NGEF: variants seen among roughly 807,000 people sequenced by gnomAD.
NGEF encodes ephexin-1.
A neutral mutation model predicts 80.9 loss-of-function variants in NGEF; 31 were observed. The observed-to-expected ratio is 0.38, with a 90% CI of 0.29 to 0.52. The LOEUF (loss-of-function observed/expected upper bound fraction) is 0.52. Ranked by LOEUF, NGEF falls within the 20% of genes least tolerant of loss-of-function variation. The probability of loss-of-function intolerance (pLI) is 0.84; values close to 1 mark genes in which losing one functional copy is unlikely to be tolerated. For missense variants in NGEF, 709 were observed against 926.2 expected, an observed-to-expected ratio of 0.77 and a Z score of 3.04; for synonymous variants, 371 against 370.2, an observed-to-expected ratio of 1.00 and a Z score of -0.03.
At chr2:232,938,364 G>A (rs1326740742) in intron 3 of NGEF, among the ~76,000 whole-genome samples, 1 of 152,122 alleles carries the variant, frequency 6.6e-6, no homozygotes, top group East Asian at 1.9e-4. Flanking sequence ...TCATGGAAAC[G>A]AATTGCCTAA....
At chr2:232,920,262 C>T (rs748355557) in intron 5 of NGEF, 22 bp downstream of exon 5, 1 of 1,599,082 alleles carries the variant, frequency 6.3e-7, no homozygotes, top group Admixed American at 1.7e-5. Context: ...TGGGGGAGCC[C>T]CCGCCCCTCG....
intron 3 of NGEF, chr2:232,927,940 G>T: frequency 7.4e-7 from 1 of 1,347,416 alleles, no homozygotes; most frequent in Non-Finnish European, 9.5e-7. Flanking sequence ...CGCTTTCCGA[G>T]GTGGAACTGT....
rs141900251 is a variant in NGEF, at chr2:232,924,857, T to G, written c.526+2187A>C. On this transcript the variant is annotated intron_variant, in intron 4 of 14. Coordinates refer to ENST00000264051, the MANE Select transcript of NGEF (RefSeq NM_019850.3). ...AACTTCATACTTTTTTCTGGGGTATTTAGAATACAAATTTAGACACCAGTG... is the reference window on the plus strand; with the variant it reads ...AACTTCATACTTTTTTCTGGGGTATGTAGAATACAAATTTAGACACCAGTG... Among the ~76,000 whole-genome samples, 799 of 152,328 alleles carry G rather than the reference T, an allele frequency of 5.2e-3. 6 individuals carry two copies. Among genetic ancestry groups the G allele is most frequent in the African/African-American group, 0.018 (743 of 41,568 alleles).
Position 232,970,196 on chromosome 2 carries a change from T to G in NGEF, c.383+18A>C. On this transcript the variant is annotated intron_variant, in intron 3 of 14. Coordinates refer to ENST00000264051, the MANE Select transcript of NGEF (RefSeq NM_019850.3). ...ATCTTTCCCAGACCAGCATTCCTCA[T>G]GATCTGCCATCTCTTACCTCATTTC... 12 of 1,452,864 alleles carry G rather than the reference T, an allele frequency of 8.3e-6. No homozygotes were observed. Among genetic ancestry groups the G allele is most frequent in the Non-Finnish European group, 1.1e-5 (12 of 1,065,418 alleles). 90.0% of individuals were successfully genotyped at this position (1,452,864 alleles called of 1,614,324 possible).
intron 3 of NGEF, among the ~76,000 whole-genome samples, chr2:232,940,224 T>C (rs143411016): frequency 1.8e-4 from 27 of 152,364 alleles, no homozygotes; most frequent in Non-Finnish European, 2.5e-4. Context: ...AAACTGGTGA[T>C]AGCACCGTAC....
chr2:233,006,687 A>G (rs1410240415), intron 1 of NGEF, among the ~76,000 whole-genome samples: 1 of 152,146 alleles, frequency 6.6e-6, no homozygotes, highest in Non-Finnish European at 1.5e-5. Context: ...AATAGCTAAA[A>G]TTTTGCAAGG....
At chr2:232,965,017 T>A (rs560233726) in intron 3 of NGEF, among the ~76,000 whole-genome samples, 14 of 152,372 alleles carry the variant, frequency 9.2e-5, no homozygotes, top group African/African-American at 3.4e-4. Context: ...ATCTGAACAT[T>A]TTATTGTAAT....
chr2:232,964,152 A>T (rs1198355007), intron 3 of NGEF, among the ~76,000 whole-genome samples: 1 of 152,234 alleles, frequency 6.6e-6, no homozygotes, highest in Non-Finnish European at 1.5e-5. Context: ...AGTGTAAAAC[A>T]GTACAACCAT....
intron 3 of NGEF, among the ~76,000 whole-genome samples, chr2:232,948,147 A>ATGTGTGTGTGTGTGTGTGTGTGTG (rs375640068): frequency 7.1e-6 from 1 of 141,570 alleles, no homozygotes; most frequent in African/African-American, 2.6e-5. Context: ...TAGCCTGGAG[A>ATGTGTGTGTGTGTGTGTGTGTGTG]TGTGTGTGTG....
chr2:232,993,271 T>G (rs1694712089), intron 1 of NGEF, among the ~76,000 whole-genome samples: 1 of 88,120 alleles, frequency 1.1e-5, no homozygotes, highest in South Asian at 5.5e-4. Flanking sequence ...ATATATGAAT[T>G]GGCATGTCTC....
chr2:232,952,792 A>AC (rs1412847626), intron 3 of NGEF, among the ~76,000 whole-genome samples: 8 of 150,902 alleles, frequency 5.3e-5, no homozygotes, highest in Non-Finnish European at 8.9e-5. Flanking sequence ...ATATGGTGAG[A>AC]CCCCATCTCT....
intron 1 of NGEF, 188 bp downstream of exon 1, chr2:233,012,880 G>A (rs1198453296): frequency 2.1e-6 from 1 of 471,142 alleles, no homozygotes; most frequent in Non-Finnish European, 4.4e-6. Context: ...AGGAGGGGCA[G>A]TGCTGAAGCC....
rs776761944 is a variant in NGEF at position 232,927,031 on chromosome 2, C to T, written c.526+13G>A. 6.2e-7 allele frequency: 1 copy of T among 1,613,966 alleles called. No individual in the cohort carries two copies. Among genetic ancestry groups the T allele is most frequent in the Admixed American group, 1.7e-5 (1 of 60,026 alleles). On this transcript the variant is annotated intron_variant, in intron 4 of 14. Coordinates refer to ENST00000264051, the MANE Select transcript of NGEF (RefSeq NM_019850.3). ...TTTCCCAAATAAAACCCGGTTACTG[C>T]GGAGACACCCACCTATTTGTTCAAT...
chr2:232,960,829 G>C (rs1210955317), intron 3 of NGEF, among the ~76,000 whole-genome samples: 1 of 152,196 alleles, frequency 6.6e-6, no homozygotes, highest in East Asian at 1.9e-4. Flanking sequence ...AGTGAGCCAA[G>C]ATCGCGCCAC....
At chr2:232,885,794 C>T (rs1691658694) in intron 9 of NGEF, among the ~76,000 whole-genome samples, 1 of 152,186 alleles carries the variant, frequency 6.6e-6, no homozygotes, top group Non-Finnish European at 1.5e-5. Flanking sequence ...GACAATTCTG[C>T]AGTGACACAT....
chr2:232,899,002 GTGTA>G (rs1373077615), intron 5 of NGEF, among the ~76,000 whole-genome samples: 12 of 152,198 alleles, frequency 7.9e-5, no homozygotes, highest in Admixed American at 4.6e-4. Context: ...GTGTGAATGG[GTGTA>G]TGTGTGTTAA....
intron 2 of NGEF, among the ~76,000 whole-genome samples, chr2:232,973,050 C>T (rs1479104962): frequency 6.6e-6 from 1 of 152,122 alleles, no homozygotes; most frequent in Admixed American, 6.6e-5. Context: ...AGCCACTGCA[C>T]CCGGCCGTCC....
intron 3 of NGEF, among the ~76,000 whole-genome samples, chr2:232,938,648 C>T (rs905726161): frequency 6.7e-6 from 1 of 150,050 alleles, no homozygotes; most frequent in Non-Finnish European, 1.5e-5. Context: ...AATCCCAGCA[C>T]CTTGGGAGGC....
At chr2:232,989,261 A>T (rs12994953) in intron 1 of NGEF, among the ~76,000 whole-genome samples, 39,991 of 151,894 alleles carry the variant, frequency 0.26, 6,380 homozygotes, top group East Asian at 0.63. Flanking sequence ...CAACCTGGCC[A>T]ACATGGTGAA....
Sources: allele counts gnomAD v4.1 joint callset (sites outside exome capture counted in the v4.1 genomes callset), GRCh38; gene constraint gnomAD v4.1.1; transcripts MANE v1.5; gene names NCBI Gene and HGNC (gene_info 2026-07-23, HGNC 2026-07-21).